VPS13B: variants seen among roughly 807,000 people sequenced by gnomAD.
VPS13B encodes the protein vacuolar protein sorting 13 homolog B, also known as intermembrane lipid transfer protein VPS13B.
VPS13B carries 285 observed loss-of-function variants against 426.4 expected under a neutral mutation model. The ratio of observed to expected loss-of-function variants is 0.67; its 90% confidence interval spans 0.61 to 0.74. The LOEUF (loss-of-function observed/expected upper bound fraction) is 0.74. Ranked by LOEUF, VPS13B falls within the 30% of genes least tolerant of loss-of-function variation. The pLI is 0.00. For synonymous variants in VPS13B, 1,676 were observed against 1,676.4 expected (o/e 1.00, Z 0.01); for missense variants, 4,537 against 4,782.6 (o/e 0.95, Z 1.51).
chr8:99,447,455 C>G (rs983454239), intron 23 of VPS13B, among the ~76,000 whole-genome samples: 7 of 152,098 alleles, frequency 4.6e-5, no homozygotes, highest in Admixed American at 2.6e-4. Flanking sequence ...CCAGCTTTAT[C>G]TTTTATTATT....
chr8:99,360,518 C>T (rs1812503880), intron 19 of VPS13B, among the ~76,000 whole-genome samples: 1 of 151,800 alleles, frequency 6.6e-6, no homozygotes, highest in Admixed American at 6.6e-5. Flanking sequence ...ACCTCGTGAC[C>T]CGCCCGTCTC....
In VPS13B at chr8:99,641,976, C is replaced by G; in HGVS notation, c.5386C>G (p.Arg1796Gly). Residue 1796 changes from arginine (R) to glycine (G), a missense_variant, in exon 34 of 62, where the codon CGT (arginine) becomes GGT (glycine). Around this residue, in one of 2 missense-constraint regions of VPS13B, gnomAD observed 4,311 missense variants for 4,474.3 expected, o/e 0.96. Transcript: ENST00000357162. ...TGGTGCCAGTCAGCATCGCATTGCCCGTCCCTCACGCCAGTCATCAATTGT... is the reference window on the plus strand; with the variant it reads ...TGGTGCCAGTCAGCATCGCATTGCCGGTCCCTCACGCCAGTCATCAATTGT... ...HSGASQHRIARPSRQSSIVKN... is the reference protein window; with the variant it reads ...HSGASQHRIAGPSRQSSIVKN... 1 of 1,614,020 alleles carries G rather than the reference C, an allele frequency of 6.2e-7. No homozygotes were observed. Among genetic ancestry groups the G allele is most frequent in the Non-Finnish European group, 8.5e-7 (1 of 1,180,002 alleles).
At chr8:99,689,055 G>A (rs1831537844) in intron 35 of VPS13B, among the ~76,000 whole-genome samples, 1 of 152,028 alleles carries the variant, frequency 6.6e-6, no homozygotes, top group Non-Finnish European at 1.5e-5. Context: ...TTCAGGTGTG[G>A]TTACATTTTT....
chr8:99,228,287 T>A (rs1307099547), intron 17 of VPS13B, among the ~76,000 whole-genome samples: 4 of 152,206 alleles, frequency 2.6e-5, no homozygotes, highest in African/African-American at 7.2e-5. Context: ...AATGTTTGGC[T>A]TGGTTTTTGT....
At chr8:99,507,679 G>T (rs1821571197) in intron 28 of VPS13B, 2 of 1,576,050 alleles carry the variant, frequency 1.3e-6, no homozygotes, top group African/African-American at 2.7e-5. Context: ...CAAACTTGAG[G>T]AGAATTTAAA....
chr8:99,798,097 G>A (rs1296077550), intron 43 of VPS13B, among the ~76,000 whole-genome samples: 3 of 151,924 alleles, frequency 2.0e-5, no homozygotes, highest in Admixed American at 6.6e-5. Flanking sequence ...ACACTTCTTG[G>A]GACCATCTGG....
At chr8:99,469,595 C>G (rs1819294143) in intron 24 of VPS13B, among the ~76,000 whole-genome samples, 1 of 152,152 alleles carries the variant, frequency 6.6e-6, no homozygotes, top group Non-Finnish European at 1.5e-5. Context: ...TATGAAATGA[C>G]TATCTTCTTT....
At chr8:99,835,120 A>C in intron 52 of VPS13B, 77 bp from the exon 53 acceptor site, 1 of 1,596,464 alleles carries the variant, frequency 6.3e-7, no homozygotes, top group Non-Finnish European at 8.6e-7. Flanking sequence ...TGCAAATCTA[A>C]ATAAACATGT....
At chr8:99,044,159 C>T (rs552875726) in intron 3 of VPS13B, among the ~76,000 whole-genome samples, 4 of 141,692 alleles carry the variant, frequency 2.8e-5, no homozygotes, top group African/African-American at 1.0e-4. Context: ...TCTCGGCTCA[C>T]TGCAAGCTCT....
At chr8:99,601,889 G>C (rs190066850) in intron 33 of VPS13B, among the ~76,000 whole-genome samples, 45 of 152,274 alleles carry the variant, frequency 3.0e-4, no homozygotes, top group Middle Eastern at 3.4e-3. Flanking sequence ...GTAGATTCTA[G>C]ATATTAGCAC....
intron 42 of VPS13B, among the ~76,000 whole-genome samples, chr8:99,780,875 T>C (rs568577194): frequency 6.6e-6 from 1 of 152,314 alleles, no homozygotes; most frequent in African/African-American, 2.4e-5. Context: ...GTTCATTGTT[T>C]CTAAGATGTT....
intron 61 of VPS13B, 182 bp from the exon 62 acceptor site, chr8:99,875,236 G>T: frequency 1.2e-6 from 1 of 839,504 alleles, no homozygotes; most frequent in Non-Finnish European, 1.9e-6. Context: ...CAGTTATACT[G>T]CTAAAACTGC....
At chr8:99,093,424 A>G (rs1434186704) in intron 3 of VPS13B, among the ~76,000 whole-genome samples, 1 of 151,748 alleles carries the variant, frequency 6.6e-6, no homozygotes, top group African/African-American at 2.4e-5. Flanking sequence ...ACATGTGCAC[A>G]ATGTGCAGTT....
At chr8:99,344,945 A>G (rs944548028) in intron 19 of VPS13B, among the ~76,000 whole-genome samples, 3 of 152,122 alleles carry the variant, frequency 2.0e-5, no homozygotes, top group African/African-American at 7.2e-5. Flanking sequence ...TTGAAATTTT[A>G]AAGATATTCT....
intron 33 of VPS13B, among the ~76,000 whole-genome samples, chr8:99,603,765 A>G (rs1408678684): frequency 6.6e-6 from 1 of 152,192 alleles, no homozygotes; most frequent in African/African-American, 2.4e-5. Flanking sequence ...AAGTAAAACC[A>G]TGGATGAGAG....
chr8:99,558,774 G>A (rs1243652668), intron 31 of VPS13B, among the ~76,000 whole-genome samples: 2 of 152,190 alleles, frequency 1.3e-5, no homozygotes, highest in Non-Finnish European at 2.9e-5. Flanking sequence ...ATTCCGTGGG[G>A]TATATGTGCC....
At chr8:99,204,798 C>T (rs1479760488) in intron 17 of VPS13B, among the ~76,000 whole-genome samples, 1 of 152,156 alleles carries the variant, frequency 6.6e-6, no homozygotes, top group African/African-American at 2.4e-5. Flanking sequence ...ATAAAAACCA[C>T]AGTGAGATAC....
In VPS13B at chr8:99,833,196, C is replaced by A. The variant is rs375511720; in HGVS notation, c.9614+544C>A. Among the ~76,000 whole-genome samples, 6 of 151,930 alleles carry A rather than the reference C, an allele frequency of 3.9e-5. No individual in the cohort carries two copies. The South Asian group carries it at 8.4e-4, about 21-fold the overall frequency. ...GGTCGTTCCTGCACGCAAGTTGCTC[C>A]AATTACCGATTACCAGTTATGCAAA... is the stretch of plus-strand genomic sequence containing the variant. On this transcript the variant is annotated intron_variant, in intron 52 of 61. Transcript: ENST00000357162.
intron 43 of VPS13B, among the ~76,000 whole-genome samples, chr8:99,797,318 C>T (rs892454618): frequency 4.6e-5 from 7 of 152,014 alleles, no homozygotes; most frequent in African/African-American, 1.7e-4. Context: ...CAGCTCTCTA[C>T]AGCCTCTGAC....
Sources: gnomAD v4.1 joint callset for allele counts (sites outside exome capture counted in the v4.1 genomes callset) on GRCh38, gnomAD v4.1.1 for gene constraint, gnomAD v4.1.1 regional missense constraint, MANE v1.5 for transcripts, NCBI Gene and HGNC (gene_info 2026-07-23, HGNC 2026-07-21) for gene names.